RREB1: variants seen among roughly 807,000 people sequenced by gnomAD.
The protein encoded by RREB1 is ras-responsive element-binding protein 1.
Under a neutral mutation model 117.8 loss-of-function variants are expected in RREB1, and 27 were observed. The observed-to-expected ratio is 0.23, with a 90% CI of 0.17 to 0.32. The LOEUF is 0.32. Ranked by LOEUF, RREB1 falls within the 10% of genes least tolerant of loss-of-function variation. The probability of loss-of-function intolerance (pLI) is 1.00; values close to 1 mark genes in which losing one functional copy is unlikely to be tolerated. For missense variants in RREB1, 2,577 were observed against 2,378.2 expected, an observed-to-expected ratio of 1.08 and a Z score of -1.74; for synonymous variants, 1,298 against 1,026.7, an observed-to-expected ratio of 1.26 and a Z score of -5.05.
chr6:7,204,221 C>T (rs935945372), intron 6 of RREB1, among the ~76,000 whole-genome samples: 2 of 152,182 alleles, frequency 1.3e-5, no homozygotes, highest in Admixed American at 1.3e-4. Context: ...ACCCATACAA[C>T]ACCTGAATTA....
chr6:7,161,874 A>G (rs1174523055), intron 1 of RREB1, among the ~76,000 whole-genome samples: 1 of 152,170 alleles, frequency 6.6e-6, no homozygotes, highest in Non-Finnish European at 1.5e-5. Context: ...ACTGGGTTAT[A>G]TACCTCTGAT....
chr6:7,232,746 C>T (rs911181314), intron 10 of RREB1, among the ~76,000 whole-genome samples: 1 of 147,948 alleles, frequency 6.8e-6, no homozygotes, highest in East Asian at 2.0e-4. Flanking sequence ...CCAAAAGTAT[C>T]TTCCTTTTTT....
chr6:7,245,975 G>T (rs1247817005), intron 11 of RREB1, among the ~76,000 whole-genome samples: 1 of 152,238 alleles, frequency 6.6e-6, no homozygotes, highest in Non-Finnish European at 1.5e-5. Context: ...AGGATTAGGG[G>T]TAGGGGTGGT....
intron 6 of RREB1, among the ~76,000 whole-genome samples, chr6:7,196,239 T>G (rs1043412233): frequency 6.7e-6 from 1 of 149,118 alleles, no homozygotes; most frequent in Admixed American, 6.6e-5. Context: ...TTGTTTTTTT[T>G]TTTTTTTGCT....
intron 1 of RREB1, among the ~76,000 whole-genome samples, chr6:7,115,054 G>A (rs960214183): frequency 1.3e-5 from 2 of 149,922 alleles, no homozygotes; most frequent in African/African-American, 2.5e-5. Flanking sequence ...TTTTGCATTC[G>A]TAGTCTCCCT....
At chr6:7,153,541 A>C (rs911878803) in intron 1 of RREB1, among the ~76,000 whole-genome samples, 4 of 152,176 alleles carry the variant, frequency 2.6e-5, no homozygotes, top group Non-Finnish European at 5.9e-5. Context: ...TGTTGCAGTA[A>C]ATAATTTTTT....
At chr6:7,180,475 G>A (rs1764731615) in intron 2 of RREB1, among the ~76,000 whole-genome samples, 1 of 152,242 alleles carries the variant, frequency 6.6e-6, no homozygotes, top group African/African-American at 2.4e-5. Context: ...GGGATAATAG[G>A]ATCTTAATAT....
At chr6:7,236,517 C>G (rs187304513) in intron 10 of RREB1, among the ~76,000 whole-genome samples, 7 of 152,180 alleles carry the variant, frequency 4.6e-5, no homozygotes, top group Non-Finnish European at 7.3e-5. Flanking sequence ...CGTTTGTACC[C>G]AGTCCTGTGT....
chr6:7,172,716 G>T (rs1011339846), intron 1 of RREB1, among the ~76,000 whole-genome samples: 2 of 151,980 alleles, frequency 1.3e-5, no homozygotes, highest in African/African-American at 4.8e-5. Context: ...GACTTTCTTG[G>T]GTTGCCGCCC....
At chr6:7,228,300 C>T (rs901062303) in intron 9 of RREB1, among the ~76,000 whole-genome samples, 6 of 151,874 alleles carry the variant, frequency 4.0e-5, no homozygotes, top group African/African-American at 1.5e-4. Flanking sequence ...CATCTCTGGA[C>T]CTCAGTTTTG....
At chr6:7,170,087 C>G (rs1764138580) in intron 1 of RREB1, among the ~76,000 whole-genome samples, 1 of 152,162 alleles carries the variant, frequency 6.6e-6, no homozygotes, top group African/African-American at 2.4e-5. Context: ...TTTCCTTTAC[C>G]TAAGAACAAC....
intron 1 of RREB1, among the ~76,000 whole-genome samples, chr6:7,112,647 C>G (rs191729463): frequency 6.6e-6 from 1 of 152,100 alleles, no homozygotes; most frequent in Non-Finnish European, 1.5e-5. Context: ...ACGGTGTGCT[C>G]TCTGAAATGC....
chr6:7,149,121 C>T (rs923777360), intron 1 of RREB1, among the ~76,000 whole-genome samples: 1 of 152,128 alleles, frequency 6.6e-6, no homozygotes, highest in Non-Finnish European at 1.5e-5. Context: ...CGGGGTTTCA[C>T]CATATTGGTC....
At chr6:7,153,993 G>C (rs1763245948) in intron 1 of RREB1, among the ~76,000 whole-genome samples, 1 of 152,232 alleles carries the variant, frequency 6.6e-6, no homozygotes. Context: ...GGAAGTGATG[G>C]CTGGTACTTG....
intron 1 of RREB1, among the ~76,000 whole-genome samples, chr6:7,156,029 T>C (rs1011949421): frequency 6.6e-6 from 1 of 152,234 alleles, no homozygotes; most frequent in Non-Finnish European, 1.5e-5. Flanking sequence ...CTGCTAAGCT[T>C]TGTATAACTC....
In RREB1 at chr6:7,132,794, G is replaced by T. The variant is rs146214147; in HGVS notation, c.-285+24734G>T. ...TAATATAACACACTATAAATACCCC[G>T]TGTCTGGTATACAATGTCAACATTC... On this transcript the variant is annotated intron_variant, in intron 1 of 12. Transcript: ENST00000379938. Among the ~76,000 whole-genome samples the T allele has an allele frequency of 3.2e-3, 477 of 150,008 alleles. 2 individuals carry two copies. The highest frequency in any genetic ancestry group is 0.011 in the African/African-American group (448 of 40,944).
chr6:7,144,730 A>G (rs1762782780), intron 1 of RREB1, among the ~76,000 whole-genome samples: 2 of 152,068 alleles, frequency 1.3e-5, no homozygotes, highest in African/African-American at 4.8e-5. Flanking sequence ...TGTCAGTTCT[A>G]ACTGCTTTTA....
At chr6:7,238,642 C>T (rs990618176) in intron 10 of RREB1, among the ~76,000 whole-genome samples, 1 of 151,724 alleles carries the variant, frequency 6.6e-6, no homozygotes, top group Non-Finnish European at 1.5e-5. Flanking sequence ...TTGCAGAAAA[C>T]ACCTGCAGAA....
chr6:7,227,542 GA>G (rs11399954), intron 9 of RREB1, among the ~76,000 whole-genome samples: 2 of 149,346 alleles, frequency 1.3e-5, no homozygotes, highest in Non-Finnish European at 3.0e-5. Flanking sequence ...CTCCGTCTAA[GA>G]AAAAAAAAAT....
Sources: gnomAD v4.1 joint callset for allele counts (sites outside exome capture counted in the v4.1 genomes callset) on GRCh38, gnomAD v4.1.1 for gene constraint, MANE v1.5 for transcripts, NCBI Gene and HGNC (gene_info 2026-07-23, HGNC 2026-07-21) for gene names.